Variants in SEMA4B observed in about 807,000 individuals in gnomAD.
SEMA4B encodes the protein semaphorin 4B.
A neutral mutation model predicts 88.1 loss-of-function variants in SEMA4B; 55 were observed. The ratio of observed to expected loss-of-function variants is 0.62; its 90% CI spans 0.50 to 0.78. The LOEUF (loss-of-function observed/expected upper bound fraction) is 0.78, where lower values mean the gene tolerates loss of function less well. SEMA4B is among the 30% of genes least tolerant of loss of function. The pLI, the probability that SEMA4B is intolerant of heterozygous loss-of-function variation, is 0.00. For missense variants in SEMA4B, 1,062 were observed against 1,111.9 expected (o/e 0.96, Z 0.64); for synonymous variants, 525 against 473.6 (o/e 1.11, Z -1.41).
chr15:90,219,936 C>T (rs1309886676), intron 4 of SEMA4B, 45 bp downstream of exon 4: 2 of 1,403,038 alleles, frequency 1.4e-6, no homozygotes, highest in African/African-American at 2.8e-5. Flanking sequence ...GGGAACTGCC[C>T]CTCTTTCTGC....
chr15:90,185,676 T>A (rs981469502), intron 1 of SEMA4B, among the ~76,000 whole-genome samples: 3 of 152,200 alleles, frequency 2.0e-5, no homozygotes, highest in African/African-American at 7.2e-5. Flanking sequence ...GTTATTTGAG[T>A]TAAACACAGG....
At chr15:90,202,350 G>T (rs751255947) in intron 1 of SEMA4B, among the ~76,000 whole-genome samples, 3 of 152,142 alleles carry the variant, frequency 2.0e-5, no homozygotes, top group Non-Finnish European at 2.9e-5. Context: ...GACTGCGGAT[G>T]GGGGCAGCTC....
rs528397786 is a variant in SEMA4B at position 90,195,944 on chromosome 15, G to A, written c.-121-5514G>A. Among the ~76,000 whole-genome samples, 32 of 51,310 alleles carry A rather than the reference G, an allele frequency of 6.2e-4. 1 individual carries two copies. In the East Asian group the frequency reaches 0.045, roughly 72 times the overall value. 33.7% of individuals were successfully genotyped at this position (51,310 alleles called of 152,430 possible). On this transcript the variant is annotated intron_variant, in intron 1 of 14. Transcript: ENST00000332496. The stretch of plus-strand genomic sequence containing the variant: ...CTTCTCTTTTTTTTTTTTTCGAGAC[G>A]GAGTCTCGCTCTGTCACCAGGCTGG...
At chr15:90,193,034 A>G (rs2352209) in intron 1 of SEMA4B, 67,490 of 152,232 alleles carry the variant, frequency 0.44, 17,174 homozygotes, top group East Asian at 0.71. Flanking sequence ...GATGGAGAAG[A>G]GGCCAGCTTT....
chr15:90,207,793 G>A (rs1342182810), intron 1 of SEMA4B, among the ~76,000 whole-genome samples: 1 of 152,206 alleles, frequency 6.6e-6, no homozygotes, highest in Non-Finnish European at 1.5e-5. Flanking sequence ...GGATCCAGCC[G>A]AGGCCCCTGG....
intron 1 of SEMA4B, among the ~76,000 whole-genome samples, chr15:90,203,661 C>G (rs909958656): frequency 6.6e-6 from 1 of 152,220 alleles, no homozygotes; most frequent in African/African-American, 2.4e-5. Context: ...TTCTGTCACG[C>G]ACCAGCATTC....
At chr15:90,196,099 T>G (rs1408336076) in intron 1 of SEMA4B, among the ~76,000 whole-genome samples, 2 of 150,936 alleles carry the variant, frequency 1.3e-5, no homozygotes, top group African/African-American at 2.4e-5. Context: ...TTTTTTTTTT[T>G]TTGTATTTTT....
intron 1 of SEMA4B, among the ~76,000 whole-genome samples, chr15:90,209,090 T>A (rs1318734218): frequency 6.6e-6 from 1 of 152,204 alleles, no homozygotes; most frequent in Admixed American, 6.5e-5. Context: ...CCCATTTTTA[T>A]CTGGGGCCCC....
chr15:90,201,666 C>T lies in SEMA4B; in HGVS notation c.88C>T (p.Leu30=). The stretch of plus-strand genomic sequence containing the variant: ...TCGGCCACCGCTGCTGCTGCTCCTG[C>T]TGCTGCTGCTCCTGCTGCAGCCGCC... ...PPRPPLLLLL[L]LLLLLQPPPP... is the part of the protein sequence containing the mutation. Residue 30 remains leucine, a synonymous_variant, in exon 1 of 14, where the codon CTG becomes TTG. Transcript: ENST00000411539. 1 of 1,516,940 alleles carries T rather than the reference C, an allele frequency of 6.6e-7. No individual in the cohort carries two copies. The highest frequency in any genetic ancestry group is 8.8e-7 in the Non-Finnish European group (1 of 1,139,664). 94.0% of individuals were successfully genotyped at this position (1,516,940 alleles called of 1,614,324 possible).
chr15:90,200,584 T>A (rs189792959), upstream of SEMA4B, among the ~76,000 whole-genome samples: 2 of 152,308 alleles, frequency 1.3e-5, no homozygotes, highest in African/African-American at 4.8e-5. Flanking sequence ...CCCGTGGAGA[T>A]GTTAGGAGCC....
chr15:90,187,861 C>T (rs540621987), intron 1 of SEMA4B, among the ~76,000 whole-genome samples: 5 of 151,954 alleles, frequency 3.3e-5, no homozygotes, highest in South Asian at 2.1e-4. Flanking sequence ...AAAAATTAGC[C>T]GGGCATGGTG....
chr15:90,228,351 G>T lies in SEMA4B; in HGVS notation c.2222G>T (p.Arg741Leu). Reference protein sequence around the residue: ...LPVLFLLYRHRNSMKVFLKQG... With the variant: ...LPVLFLLYRHLNSMKVFLKQG... ...GTTTTATTCTTGCTCTACCGGCACCGGAACAGCATGAAAGTCTTCCTGAAG... is the reference window on the plus strand; with the variant it reads ...GTTTTATTCTTGCTCTACCGGCACCTGAACAGCATGAAAGTCTTCCTGAAG... The change falls in exon 14 of 14, where the codon CGG becomes CTG. Residue 741 changes from arginine (R) to leucine (L), a missense_variant. By Grantham distance (102) the Arg-to-Leu change is moderately radical. Transcript: ENST00000411539. The T allele has an allele frequency of 6.2e-7, 1 of 1,601,192 alleles. No individual in the cohort carries two copies. Among genetic ancestry groups the T allele is most frequent in the Non-Finnish European group, 8.5e-7 (1 of 1,173,232 alleles).
chr15:90,185,257 G>A (rs1960130734), intron 1 of SEMA4B, among the ~76,000 whole-genome samples: 1 of 152,232 alleles, frequency 6.6e-6, no homozygotes, highest in African/African-American at 2.4e-5. Context: ...GCCGCCCGGG[G>A]AGCCTGTTGC....
At chr15:90,202,394 C>T (rs569346266) in intron 1 of SEMA4B, among the ~76,000 whole-genome samples, 1 of 152,246 alleles carries the variant, frequency 6.6e-6, no homozygotes, top group African/African-American at 2.4e-5. Flanking sequence ...TGGGCGCGAC[C>T]CCTCCTCAGA....
chr15:90,221,585 ACT>A (rs1292868316), intron 6 of SEMA4B, 27 bp from the exon 7 acceptor site: 2 of 1,612,742 alleles, frequency 1.2e-6, no homozygotes, highest in South Asian at 1.1e-5. Context: ...TCCTGGGCTG[ACT>A]CTGAGCTCCT....
At chr15:90,208,410 G>A (rs181554103) in intron 1 of SEMA4B, among the ~76,000 whole-genome samples, 202 of 152,342 alleles carry the variant, frequency 1.3e-3, no homozygotes, top group African/African-American at 4.6e-3. Context: ...TAAGTCTTGC[G>A]TGTGAAAAAG....
intron 5 of SEMA4B, 37 bp downstream of exon 5, chr15:90,221,130 C>G: frequency 7.1e-7 from 1 of 1,413,548 alleles, no homozygotes. Context: ...ATTGAGGTTC[C>G]ATGTAGGGGC....
At chr15:90,219,536 G>C (rs1961697104) in intron 3 of SEMA4B, 1 of 481,934 alleles carries the variant, frequency 2.1e-6, no homozygotes, top group South Asian at 2.7e-5. Flanking sequence ...AGGATTCTGT[G>C]CCCTCACCCC....
rs989872582 is a variant in SEMA4B, at chr15:90,212,612, C to A, written c.158-4827C>A. On this transcript the variant is annotated intron_variant, in intron 1 of 13. Transcript: ENST00000411539. The surrounding 1 kb of genome is among the most constrained non-coding windows in gnomAD (Gnocchi z 4.0). ...CACAAAGAGCACCTAGGAGTGAGTG[C>A]GCAAGCGTGGACAAGCCCTGCGGTA... 6.6e-6 allele frequency among the ~76,000 whole-genome samples: 1 copy of A among 151,600 alleles called. No individual in the cohort carries two copies. The highest frequency in any genetic ancestry group is 2.1e-4 in the South Asian group (1 of 4,794).
Sources: allele counts gnomAD v4.1 joint callset (sites outside exome capture counted in the v4.1 genomes callset), GRCh38; gene constraint gnomAD v4.1.1; non-coding constraint Gnocchi (gnomAD v3.1); transcripts MANE v1.5; gene names NCBI Gene and HGNC (gene_info 2026-07-23, HGNC 2026-07-21).